Variants in TUBB3 observed in about 807,000 individuals in gnomAD.
TUBB3 encodes the protein tubulin beta 3 class III.
A neutral mutation model predicts 37.8 loss-of-function variants in TUBB3; 17 were observed. The ratio of observed to expected loss-of-function variants is 0.45; its 90% CI spans 0.31 to 0.67. The LOEUF (loss-of-function observed/expected upper bound fraction) is 0.67. TUBB3 is among the 30% of genes least tolerant of loss of function. The pLI, the probability that TUBB3 is intolerant of heterozygous loss-of-function variation, is 0.07. For synonymous variants in TUBB3, 332 were observed against 278.9 expected, an observed-to-expected ratio of 1.19 and a Z score of -1.90; for missense variants, 262 against 657.9, an observed-to-expected ratio of 0.40 and a Z score of 6.58.
Position 89,923,443 on chromosome 16 carries a change from C to T in TUBB3, c.42C>T (p.Asn14=), listed in dbSNP as rs769965307. The change falls in exon 1 of 4, where the codon AAC becomes AAT. Residue 14 remains asparagine, a synonymous_variant. Transcript: ENST00000315491. ...ACATCCAGGCCGGCCAGTGCGGCAA[C>T]CAGATCGGGGCCAAGGTGAGGCTGC... is the stretch of plus-strand genomic sequence containing the variant. ...IVHIQAGQCG[N]QIGAKFWEVI... The T allele has an allele frequency of 1.7e-5, 26 of 1,513,932 alleles. No individual in the cohort carries two copies. Among genetic ancestry groups the T allele is most frequent in the Admixed American group, 3.9e-5 (2 of 50,930 alleles). 93.8% of individuals were successfully genotyped at this position (1,513,932 alleles called of 1,614,324 possible).
intron 1 of TUBB3, among the ~76,000 whole-genome samples, chr16:89,927,017 G>A (rs992340363): frequency 4.6e-5 from 7 of 151,956 alleles, no homozygotes; most frequent in African/African-American, 1.2e-4. Context: ...ACGCCGGGCC[G>A]ATTTCCTTTT....
chr16:89,925,758 G>C (rs1177257335), intron 1 of TUBB3, among the ~76,000 whole-genome samples: 2 of 152,230 alleles, frequency 1.3e-5, no homozygotes, highest in Non-Finnish European at 2.9e-5. Flanking sequence ...GCAGCTGATA[G>C]GGGGTGCAAC....
intron 1 of TUBB3, among the ~76,000 whole-genome samples, chr16:89,929,559 C>T (rs532418737): frequency 3.3e-5 from 5 of 152,260 alleles, no homozygotes; most frequent in South Asian, 2.1e-4. Context: ...GAAAAGCTAC[C>T]GTGTGCACGT....
At chr16:89,933,327 T>G (rs2030337872) in intron 2 of TUBB3, 141 bp from the exon 3 acceptor site, 1 of 808,456 alleles carries the variant, frequency 1.2e-6, no homozygotes, top group African/African-American at 1.7e-5. Flanking sequence ...AAGCTTGCCT[T>G]TGGTCCAGGA....
chr16:89,935,966 G>T lies in TUBB3; in HGVS notation c.*162G>T. 2 of 840,466 alleles carry T rather than the reference G, an allele frequency of 2.4e-6. No homozygotes were observed. The highest frequency in any genetic ancestry group is 3.6e-5 in the South Asian group (2 of 55,848). The allele number at this position is 840,466 out of a possible 1,614,324, so 52.1% of individuals were successfully genotyped here. Reference sequence around the variant, plus strand: ...TTTATGGCCTCGTCCTCCCCACCTAGGCCACGTGTGAGCTGCTCCTGTCTC... The same window carrying T: ...TTTATGGCCTCGTCCTCCCCACCTATGCCACGTGTGAGCTGCTCCTGTCTC... On this transcript the variant is annotated 3_prime_UTR_variant, in exon 4 of 4. Coordinates refer to ENST00000315491, the MANE Select transcript of TUBB3 (RefSeq NM_006086.4).
At position 89,934,158 on chromosome 16, in the gene TUBB3, C is replaced by A. The variant is rs549399527; in HGVS notation, c.278-571C>A. The A allele has an allele frequency of 1.1e-4, 34 of 318,646 alleles. No individual in the cohort carries two copies. The East Asian group carries it at 3.0e-3, about 28-fold the overall frequency. The allele number at this position is 318,646 out of a possible 1,614,324, so 19.7% of individuals were successfully genotyped here. A position where few individuals can be genotyped will look rare whatever the true frequency, so the allele number is the denominator to read the frequency against. ...TGTCCTGGGGCGGGGCCGTGGATGCCACGTTCCCATGCCTGTGTCCTGGGG... is the reference window on the plus strand; with the variant it reads ...TGTCCTGGGGCGGGGCCGTGGATGCAACGTTCCCATGCCTGTGTCCTGGGG... On this transcript the variant is annotated intron_variant, in intron 3 of 3. Transcript: ENST00000315491.
intron 1 of TUBB3, among the ~76,000 whole-genome samples, chr16:89,928,203 C>T (rs967222652): frequency 1.1e-4 from 16 of 152,154 alleles, no homozygotes; most frequent in Admixed American, 4.6e-4. Flanking sequence ...TATAGGCATG[C>T]GTCACCATGC....
chr16:89,928,863 C>T (rs2030181270), intron 1 of TUBB3, among the ~76,000 whole-genome samples: 1 of 151,980 alleles, frequency 6.6e-6, no homozygotes, highest in Admixed American at 6.6e-5. Context: ...GGGGTTTCAC[C>T]ATGTTGGTCA....
upstream of TUBB3, chr16:89,923,209 GA>G (rs905589974): frequency 4.3e-6 from 1 of 232,742 alleles, no homozygotes; most frequent in African/African-American, 2.3e-5. Context: ...GGCGGGCGGG[GA>G]CGCGCGGTGC....
At position 89,925,096 on chromosome 16, in the gene TUBB3, C is replaced by A. The variant is rs957349405; in HGVS notation, c.57+1638C>A. Among the ~76,000 whole-genome samples the A allele has an allele frequency of 8.5e-5, 13 of 152,114 alleles. 1 individual carries two copies. The highest frequency in any genetic ancestry group is 7.2e-4 in the Admixed American group (11 of 15,272). ...GTGGTCCCACAAGGCACTTGTCAGG[C>A]AAGAGCTGGGATCTAGAAGTCAGGT... is the stretch of plus-strand genomic sequence containing the variant. On this transcript the variant is annotated intron_variant, in intron 1 of 3. Transcript: ENST00000315491.
chr16:89,929,123 C>T (rs185384245), intron 1 of TUBB3, among the ~76,000 whole-genome samples: 26 of 151,970 alleles, frequency 1.7e-4, no homozygotes, highest in African/African-American at 4.6e-4. Context: ...CTACCACGCC[C>T]GGCTAATTTT....
At position 89,935,859 on chromosome 16, in the gene TUBB3, T is replaced by C; in HGVS notation, c.*55T>C. ...TGGCGGCCGGGGCCGAAGCCAGCAG[T>C]GTCTAAACCCCCGGAGCCATCTTGC... On this transcript the variant is annotated 3_prime_UTR_variant, in exon 4 of 4. Transcript: ENST00000315491. 6.4e-7 allele frequency: 1 copy of C among 1,565,262 alleles called. No homozygotes were observed. Among genetic ancestry groups the C allele is most frequent in the Admixed American group, 1.9e-5 (1 of 53,136 alleles).
intron 1 of TUBB3, among the ~76,000 whole-genome samples, chr16:89,924,562 C>G (rs1183603339): frequency 1.3e-5 from 2 of 151,950 alleles, no homozygotes; most frequent in African/African-American, 4.8e-5. Flanking sequence ...AGGAGACGGT[C>G]CTGGAGGGGA....
intron 1 of TUBB3, among the ~76,000 whole-genome samples, chr16:89,930,206 G>A (rs1403997520): frequency 6.6e-6 from 1 of 150,754 alleles, no homozygotes; most frequent in Non-Finnish European, 1.5e-5. Context: ...CTGGGTTCAA[G>A]CAATTCTCCT....
chr16:89,923,610 C>A, intron 1 of TUBB3, 152 bp downstream of exon 1: 2 of 716,978 alleles, frequency 2.8e-6, no homozygotes, highest in Non-Finnish European at 3.8e-6. Flanking sequence ...GGACGCGGGG[C>A]CCCCGCCCTG....
intron 3 of TUBB3, 59 bp downstream of exon 3, chr16:89,933,637 G>A (rs755732888): frequency 4.8e-5 from 64 of 1,323,128 alleles, no homozygotes; most frequent in African/African-American, 1.7e-4. Context: ...AGCCCAGGTC[G>A]GTGGACGGGG....
intron 2 of TUBB3, chr16:89,933,086 G>A (rs2030330987): frequency 2.1e-6 from 1 of 483,860 alleles, no homozygotes; most frequent in Non-Finnish European, 3.9e-6. Context: ...ACATGGACAT[G>A]TGATTTAAAA....
intron 3 of TUBB3, chr16:89,934,190 CGTGG>C: frequency 8.8e-6 from 3 of 341,640 alleles, no homozygotes; most frequent in African/African-American, 5.4e-5. Context: ...GGGGCGGGGC[CGTGG>C]ATGCCACGTT....
At chr16:89,932,983 G>A (rs779545799) in intron 2 of TUBB3, 44 of 517,290 alleles carry the variant, frequency 8.5e-5, no homozygotes, top group Non-Finnish European at 1.4e-4. Flanking sequence ...AGAGGGCCTA[G>A]AGAAGGGGTC....
Sources: gnomAD v4.1 joint callset for allele counts (sites outside exome capture counted in the v4.1 genomes callset) on GRCh38, gnomAD v4.1.1 for gene constraint, MANE v1.5 for transcripts, NCBI Gene and HGNC (gene_info 2026-07-23, HGNC 2026-07-21) for gene names.